ZC3H4: variants seen among roughly 807,000 people sequenced by gnomAD.
ZC3H4 encodes zinc finger CCCH-type containing 4, also known as zinc finger CCCH domain-containing protein 4.
In ZC3H4, 13 loss-of-function variants were observed where a neutral mutation model predicts 108.3. The ratio of observed to expected loss-of-function variants is 0.12; its 90% CI spans 0.08 to 0.19. The LOEUF (loss-of-function observed/expected upper bound fraction) is 0.19. ZC3H4 is among the 10% of genes least tolerant of loss of function. ZC3H4 has a pLI of 1.00. For synonymous variants in ZC3H4, 917 were observed against 749.6 expected, an observed-to-expected ratio of 1.22 and a Z score of -3.65; for missense variants, 1,734 against 1,838.8, an observed-to-expected ratio of 0.94 and a Z score of 1.04.
At chr19:47,105,967 G>C (rs2057963409) in intron 2 of ZC3H4, among the ~76,000 whole-genome samples, 1 of 152,152 alleles carries the variant, frequency 6.6e-6, no homozygotes, top group Non-Finnish European at 1.5e-5. Context: ...AGCCACCCCG[G>C]GTTCTAACTC....
At chr19:47,102,460 A>C (rs558681571) in intron 2 of ZC3H4, among the ~76,000 whole-genome samples, 2 of 152,352 alleles carry the variant, frequency 1.3e-5, no homozygotes, top group African/African-American at 4.8e-5. Context: ...TGCCAGAATG[A>C]GGTACCAAGA....
At chr19:47,093,326 G>C (rs116703992) in intron 4 of ZC3H4, among the ~76,000 whole-genome samples, 1 of 151,798 alleles carries the variant, frequency 6.6e-6, no homozygotes, top group Non-Finnish European at 1.5e-5. Flanking sequence ...CTTGAAATGA[G>C]AGCGACAGTG....
chr19:47,092,139 A>G (rs1409813205), intron 4 of ZC3H4, among the ~76,000 whole-genome samples: 2 of 152,062 alleles, frequency 1.3e-5, no homozygotes, highest in Admixed American at 1.3e-4. Context: ...AGGGAGCTCG[A>G]GGCTGCAGTG....
At chr19:47,095,150 G>A (rs1318943747) in intron 2 of ZC3H4, among the ~76,000 whole-genome samples, 1 of 152,192 alleles carries the variant, frequency 6.6e-6, no homozygotes, top group Non-Finnish European at 1.5e-5. Flanking sequence ...CCAGTGAGCT[G>A]GGCGTCAGTG....
At position 47,112,571 on chromosome 19, in the gene ZC3H4, G is replaced by A; in HGVS notation, c.14C>T (p.Pro5Leu). 8.7e-7 allele frequency: 1 copy of A among 1,150,390 alleles called. No individual in the cohort carries two copies. Among genetic ancestry groups the A allele is most frequent in the Non-Finnish European group, 1.1e-6 (1 of 909,740 alleles). 71.3% of individuals were successfully genotyped at this position (1,150,390 alleles called of 1,614,324 possible). The change falls in exon 2 of 15, where the codon CCC becomes CTC. Residue 5 changes from proline to leucine, a missense_variant. This residue lies in a region of ZC3H4 where 112 missense variants were observed against 73.3 expected (regional missense o/e 1.53). Coordinates refer to ENST00000253048, the MANE Select transcript of ZC3H4 (RefSeq NM_015168.2). MEAA[P>L]GTPPPPPSES... ...TGATGGCGGCGGCGGGGGGGTCCCG[G>A]GCGCGGCCTCCATAGTTCCTTTGGG... is the stretch of plus-strand genomic sequence containing the variant.
intron 4 of ZC3H4, among the ~76,000 whole-genome samples, chr19:47,093,164 T>C (rs750309598): frequency 7.7e-6 from 1 of 130,682 alleles, no homozygotes; most frequent in African/African-American, 3.0e-5. Context: ...TGCAGTGAGC[T>C]GAGATTGCAC....
intron 9 of ZC3H4, among the ~76,000 whole-genome samples, chr19:47,082,522 A>G (rs907452222): frequency 1.3e-5 from 2 of 152,178 alleles, no homozygotes; most frequent in Non-Finnish European, 1.5e-5. Context: ...TATGTTGCCC[A>G]GGCTGGTCTC....
rs757223524 is a variant in ZC3H4, at chr19:47,090,058, C to G, written c.624G>C (p.Glu208Asp). ...NEQYGEYEGDEEEDMGKEDYD... is the reference protein window; with the variant it reads ...NEQYGEYEGDDEEDMGKEDYD... ...AGTCCTCCTTGCCCATGTCCTCCTC[C>G]TCGTCGCCCTCATATTCCCCATACT... is the stretch of plus-strand genomic sequence containing the variant. Residue 208 changes from glutamate (E) to aspartate (D), a missense_variant, in exon 5 of 15, where the codon GAG becomes GAC. Glu to Asp is a conservative substitution (Grantham distance 45). Coordinates refer to ENST00000253048, the MANE Select transcript of ZC3H4 (RefSeq NM_015168.2). The G allele has an allele frequency of 6.2e-7, 1 of 1,614,108 alleles. No homozygotes were observed. The highest frequency in any genetic ancestry group is 1.3e-5 in the African/African-American group (1 of 74,946).
Position 47,066,417 on chromosome 19 carries a change from G to A in ZC3H4, c.3851C>T (p.Ala1284Val), listed in dbSNP as rs202195204. Reference protein sequence around the residue: ...NSPAREGEQDAASLKDVFKGF... With the variant: ...NSPAREGEQDVASLKDVFKGF... ...TTTAAAAACATCCTTCAGGGATGCC[G>A]CATCCTGCTCACCCTCGCGGGCCGG... Residue 1284 changes from alanine (A) to valine (V), a missense_variant, in exon 15 of 15, where the codon GCG (alanine) becomes GTG (valine). Physicochemically the swap from Ala to Val is moderately conservative, Grantham distance 64. Transcript: ENST00000253048. 2.1e-4 allele frequency: 332 copies of A among 1,570,210 alleles called. 1 individual carries two copies. The East Asian group carries it at 6.0e-3, about 29-fold the overall frequency.
intron 5 of ZC3H4, among the ~76,000 whole-genome samples, chr19:47,087,168 C>T (rs1208988766): frequency 6.6e-6 from 1 of 151,402 alleles, no homozygotes; most frequent in Non-Finnish European, 1.5e-5. Context: ...CCCAGTTACT[C>T]AGGAGGCTCA....
chr19:47,085,206 G>A lies in ZC3H4; in HGVS notation c.968-11C>T, dbSNP rs779108990. The stretch of plus-strand genomic sequence containing the variant: ...GGCCTCGACTTAGCCCTGTGGAGGG[G>A]AGATTGTGTGAAGACCTGCTGACCA... On this transcript the variant is annotated splice_polypyrimidine_tract_variant and intron_variant, in intron 7 of 14. Transcript: ENST00000253048. The A allele has an allele frequency of 1.9e-6, 3 of 1,595,336 alleles. No homozygotes were observed. Among genetic ancestry groups the A allele is most frequent in the South Asian group, 1.1e-5 (1 of 90,180 alleles).
chr19:47,092,839 T>G (rs1410424212), intron 4 of ZC3H4, among the ~76,000 whole-genome samples: 2 of 149,662 alleles, frequency 1.3e-5, no homozygotes, highest in Non-Finnish European at 3.0e-5. Flanking sequence ...AATAAATAAA[T>G]AAATAAATAA....
intron 5 of ZC3H4, among the ~76,000 whole-genome samples, chr19:47,087,495 G>A (rs2057652425): frequency 6.6e-6 from 1 of 152,012 alleles, no homozygotes; most frequent in Admixed American, 6.5e-5. Context: ...AGCACTTTGG[G>A]AGGCCCAGTT....
intron 5 of ZC3H4, among the ~76,000 whole-genome samples, chr19:47,088,265 C>T (rs746602854): frequency 6.8e-6 from 1 of 148,006 alleles, no homozygotes; most frequent in East Asian, 2.1e-4. Flanking sequence ...TGCTTGAACC[C>T]AGCCAGGCGC....
chr19:47,108,850 C>T (rs1600117179), intron 2 of ZC3H4, among the ~76,000 whole-genome samples: 1 of 151,898 alleles, frequency 6.6e-6, no homozygotes. Context: ...TTTGGGGAAC[C>T]GCATTTTTTT....
chr19:47,091,491 T>C (rs1413845229), intron 4 of ZC3H4, among the ~76,000 whole-genome samples: 3 of 151,936 alleles, frequency 2.0e-5, no homozygotes, highest in African/African-American at 7.3e-5. Context: ...TGAGAATCAC[T>C]TGAACCCGGG....
At chr19:47,105,969 T>G (rs538363089) in intron 2 of ZC3H4, among the ~76,000 whole-genome samples, 11 of 152,230 alleles carry the variant, frequency 7.2e-5, no homozygotes, top group Admixed American at 6.5e-5. Flanking sequence ...CCACCCCGGG[T>G]TCTAACTCTG....
chr19:47,066,805 T>C lies in ZC3H4; in HGVS notation c.3463A>G (p.Asn1155Asp). ...GISLYDPRTP[N>D]AGGKATEPAA... ...GGCTCTGTGGCTTTGCCCCCCGCGT[T>C]GGGAGTCCTCGGGTCGTAGAGGCTG... Residue 1155 changes from asparagine to aspartate, a missense_variant, in exon 15 of 15, where the codon AAC (asparagine) becomes GAC (aspartate). Transcript: ENST00000253048. 9.4e-6 allele frequency: 15 copies of C among 1,600,916 alleles called. No individual in the cohort carries two copies. The highest frequency in any genetic ancestry group is 1.3e-5 in the Non-Finnish European group (15 of 1,178,888).
chr19:47,068,500 A>C (rs1354238486), intron 14 of ZC3H4, among the ~76,000 whole-genome samples: 1 of 152,246 alleles, frequency 6.6e-6, no homozygotes, highest in Middle Eastern at 3.2e-3. Flanking sequence ...CATGGGCTCA[A>C]GCAAAACCTA....
Sources: gnomAD v4.1 joint callset for allele counts (sites outside exome capture counted in the v4.1 genomes callset) on GRCh38, gnomAD v4.1.1 for gene constraint, gnomAD v4.1.1 regional missense constraint, MANE v1.5 for transcripts, NCBI Gene and HGNC (gene_info 2026-07-23, HGNC 2026-07-21) for gene names.